Variants in FGF12 observed in about 807,000 individuals in gnomAD.
FGF12 encodes the protein fibroblast growth factor 12B.
FGF12 carries 14 observed loss-of-function variants against 23.6 expected under a neutral mutation model. The observed-to-expected ratio is 0.59, with a 90% CI of 0.39 to 0.93. The LOEUF is 0.93. Ranked by LOEUF, FGF12 falls within the 40% of genes least tolerant of loss-of-function variation. The pLI is 0.00. For missense variants in FGF12, 175 were observed against 217.8 expected (o/e 0.80, Z 1.24); for synonymous variants, 62 against 77.3 (o/e 0.80, Z 1.04).
intron 4 of FGF12, among the ~76,000 whole-genome samples, chr3:192,209,911 T>A (rs1717841314): frequency 6.6e-6 from 1 of 152,208 alleles, no homozygotes; most frequent in Non-Finnish European, 1.5e-5. Flanking sequence ...ATTAGTCACA[T>A]GTTGTATACC....
Position 192,541,817 on chromosome 3 carries a change from T to C in FGF12, c.14-181279A>G, listed in dbSNP as rs6762322. On this transcript the variant is annotated intron_variant, in intron 2 of 5. Transcript: ENST00000445105. ...ATCTACTATTTTAGGATACAAGTTT[T>C]TCTCCTTCAGCACGTTAAATATGTC... 6.5e-3 allele frequency among the ~76,000 whole-genome samples: 987 copies of C among 152,270 alleles called. 13 individuals carry two copies. Among genetic ancestry groups the C allele is most frequent in the African/African-American group, 0.022 (902 of 41,550 alleles).
chr3:192,538,260 T>C (rs965784153), intron 2 of FGF12, among the ~76,000 whole-genome samples: 2 of 139,542 alleles, frequency 1.4e-5, no homozygotes, highest in Non-Finnish European at 3.3e-5. Flanking sequence ...TAATCCGTTT[T>C]TTTTCTTTTG....
At chr3:192,686,870 A>C (rs1335545249) in intron 2 of FGF12, among the ~76,000 whole-genome samples, 2 of 117,770 alleles carry the variant, frequency 1.7e-5, no homozygotes, top group Non-Finnish European at 3.2e-5. Flanking sequence ...CCTCTGTCAC[A>C]CAGGCTGGAG....
Position 192,464,502 on chromosome 3 carries a change from GTGT to G in FGF12, c.14-103967_14-103965del, listed in dbSNP as rs1722953401. ...TTAGGGCTGAGTAGTATTCCATGGTGTGTGTGTGTGTGTGTGTGTGTGTGTGTG... is the reference window on the plus strand; with the variant it reads ...TTAGGGCTGAGTAGTATTCCATGGTGGTGTGTGTGTGTGTGTGTGTGTGTG... On this transcript the variant is annotated intron_variant, in intron 2 of 5. Transcript: ENST00000445105. 3.4e-4 allele frequency among the ~76,000 whole-genome samples: 4 copies of G among 11,716 alleles called. No homozygotes were observed. In the South Asian group the frequency reaches 0.011, roughly 33 times the overall value. The allele number at this position is 11,716 out of a possible 152,430, so 7.7% of individuals were successfully genotyped here.
intron 2 of FGF12, among the ~76,000 whole-genome samples, chr3:192,517,956 A>C (rs1724720301): frequency 6.6e-6 from 1 of 152,124 alleles, no homozygotes; most frequent in African/African-American, 2.4e-5. Context: ...ATAACATCCC[A>C]AAAAAGACAA....
intron 4 of FGF12, among the ~76,000 whole-genome samples, chr3:192,247,077 GA>G (rs1336976851): frequency 6.8e-6 from 1 of 146,728 alleles, no homozygotes; most frequent in Non-Finnish European, 1.5e-5. Flanking sequence ...AGGAAGGAAG[GA>G]AGGAAGGAAG....
intron 5 of FGF12, among the ~76,000 whole-genome samples, chr3:192,148,928 C>T (rs1713882419): frequency 6.6e-6 from 1 of 152,138 alleles, no homozygotes; most frequent in Admixed American, 6.5e-5. Context: ...AGTCCTAATT[C>T]AGATGAGACA....
intron 2 of FGF12, among the ~76,000 whole-genome samples, chr3:192,598,775 C>G (rs1284140316): frequency 6.6e-6 from 1 of 152,136 alleles, no homozygotes; most frequent in East Asian, 1.9e-4. Flanking sequence ...AACCGTATTT[C>G]AAATCCAAAG....
At chr3:192,224,295 T>C (rs1718619337) in intron 4 of FGF12, among the ~76,000 whole-genome samples, 4 of 152,140 alleles carry the variant, frequency 2.6e-5, no homozygotes, top group Admixed American at 2.6e-4. Context: ...TTTAAATACT[T>C]TCTACTCCAG....
chr3:192,395,520 C>T (rs1420143655), intron 2 of FGF12, among the ~76,000 whole-genome samples: 3 of 152,160 alleles, frequency 2.0e-5, no homozygotes, highest in South Asian at 2.1e-4. Context: ...TATACTGATG[C>T]CATAAGCACA....
At chr3:192,415,606 C>A (rs1262453794) in intron 2 of FGF12, among the ~76,000 whole-genome samples, 2 of 151,958 alleles carry the variant, frequency 1.3e-5, no homozygotes, top group African/African-American at 4.8e-5. Flanking sequence ...CCCTAAAATT[C>A]TCTGCCTAAA....
At chr3:192,646,344 A>G (rs1019995136) in intron 2 of FGF12, among the ~76,000 whole-genome samples, 20 of 152,188 alleles carry the variant, frequency 1.3e-4, no homozygotes, top group African/African-American at 4.1e-4. Context: ...TATGGTATCT[A>G]CTAATGAGCC....
chr3:192,185,396 C>T (rs1033127747), intron 4 of FGF12, among the ~76,000 whole-genome samples: 6 of 152,160 alleles, frequency 3.9e-5, no homozygotes, highest in Non-Finnish European at 5.9e-5. Context: ...TGTTCCATGT[C>T]GGGAGTAGTT....
intron 2 of FGF12, among the ~76,000 whole-genome samples, chr3:192,382,476 T>C (rs1023459078): frequency 3.9e-5 from 6 of 152,132 alleles, no homozygotes; most frequent in Non-Finnish European, 7.4e-5. Flanking sequence ...TGTCCTAGAA[T>C]AATGGCCTTT....
chr3:192,164,539 T>C (rs1390998281), intron 5 of FGF12, among the ~76,000 whole-genome samples: 3 of 152,106 alleles, frequency 2.0e-5, no homozygotes, highest in Non-Finnish European at 4.4e-5. Context: ...ATTTTGGGAA[T>C]CGTGACATTC....
At chr3:192,329,779 A>G (rs371137994) in intron 4 of FGF12, among the ~76,000 whole-genome samples, 2 of 152,336 alleles carry the variant, frequency 1.3e-5, no homozygotes, top group East Asian at 1.9e-4. Flanking sequence ...CTGGTTAAAC[A>G]GCAAAATTTT....
chr3:192,373,337 C>G (rs1560089818), intron 2 of FGF12, among the ~76,000 whole-genome samples: 1 of 148,682 alleles, frequency 6.7e-6, no homozygotes, highest in Non-Finnish European at 1.5e-5. Context: ...CTTCAGGTTT[C>G]ATCTATAAAA....
chr3:192,167,730 GGTATAT>G (rs1715249690), intron 5 of FGF12, among the ~76,000 whole-genome samples: 1 of 33,688 alleles, frequency 3.0e-5, no homozygotes, highest in African/African-American at 1.7e-4. Flanking sequence ...GTAGGTTATA[GGTATAT>G]ATATATATAT....
At chr3:192,211,353 T>G (rs186452252) in intron 4 of FGF12, among the ~76,000 whole-genome samples, 8 of 152,302 alleles carry the variant, frequency 5.3e-5, no homozygotes, top group Non-Finnish European at 1.2e-4. Flanking sequence ...TGGAGCATAG[T>G]AGAAGAGAAG....
Sources: gnomAD v4.1 joint callset for allele counts (sites outside exome capture counted in the v4.1 genomes callset) on GRCh38, gnomAD v4.1.1 for gene constraint, MANE v1.5 for transcripts, NCBI Gene and HGNC (gene_info 2026-07-23, HGNC 2026-07-21) for gene names.